The following PKIB variants were observed in gnomAD, a reference collection of about 807,000 sequenced individuals.
PKIB encodes cAMP-dependent protein kinase inhibitor beta, also known as PKI-beta.
In PKIB, 2 loss-of-function variants were observed where a neutral mutation model predicts 4.5. The observed-to-expected ratio is 0.44, with a 90% CI of 0.18 to 1.39. The LOEUF (loss-of-function observed/expected upper bound fraction) is 1.39. Among genes scored for constraint, PKIB ranks in the 40% most tolerant of loss-of-function variants. PKIB has a pLI of 0.27. For missense variants in PKIB, 94 were observed against 92.6 expected (o/e 1.02, Z -0.06); for synonymous variants, 38 against 36.0 (o/e 1.06, Z -0.20).
rs112813760 is a variant in PKIB, at chr6:122,654,577, G to C, written c.-75-20501G>C. Among the ~76,000 whole-genome samples, 599 of 152,238 alleles carry C rather than the reference G, an allele frequency of 3.9e-3. 2 individuals carry two copies. The highest frequency in any genetic ancestry group is 0.013 in the African/African-American group (547 of 41,536). ...GCTATGTACAGGGTTCTTAACCAAG[G>C]CTAAGTAGGACCATAAATATCGGTC... On this transcript the variant is annotated intron_variant, in intron 2 of 4. Coordinates refer to ENST00000368452, the MANE Select transcript of PKIB (RefSeq NM_181795.3).
intron 2 of PKIB, among the ~76,000 whole-genome samples, chr6:122,512,096 G>A (rs959430987): frequency 2.0e-5 from 3 of 152,124 alleles, no homozygotes; most frequent in East Asian, 1.9e-4. Flanking sequence ...TCCCAACAAT[G>A]TCCTAACCTA....
intron 2 of PKIB, among the ~76,000 whole-genome samples, chr6:122,496,038 C>A (rs760158601): frequency 6.6e-6 from 1 of 152,158 alleles, no homozygotes; most frequent in Non-Finnish European, 1.5e-5. Flanking sequence ...TGTCCCCCAA[C>A]CCCCATGAAA....
chr6:122,693,276 T>C (rs906975273), intron 3 of PKIB, among the ~76,000 whole-genome samples: 4 of 152,232 alleles, frequency 2.6e-5, no homozygotes, highest in Non-Finnish European at 5.9e-5. Flanking sequence ...AACTGTTGAC[T>C]TTCAATGTTT....
intron 3 of PKIB, chr6:122,717,546 G>T: frequency 2.1e-6 from 1 of 467,648 alleles, no homozygotes; most frequent in Non-Finnish European, 3.8e-6. Flanking sequence ...CATCCAAGTG[G>T]CTCATTCGGC....
intron 1 of PKIB, among the ~76,000 whole-genome samples, chr6:122,617,067 C>T (rs1479281238): frequency 6.6e-6 from 1 of 152,090 alleles, no homozygotes; most frequent in Non-Finnish European, 1.5e-5. Context: ...TATATTGGAC[C>T]TTCTTAGCCA....
chr6:122,718,289 A>C (rs900310262), intron 4 of PKIB, among the ~76,000 whole-genome samples: 1 of 152,330 alleles, frequency 6.6e-6, no homozygotes, highest in South Asian at 2.1e-4. Flanking sequence ...TTTATTAAGA[A>C]GTATTCATAA....
intron 2 of PKIB, among the ~76,000 whole-genome samples, chr6:122,636,441 A>C (rs926741519): frequency 6.6e-6 from 1 of 152,110 alleles, no homozygotes; most frequent in Non-Finnish European, 1.5e-5. Context: ...AAATCTCATC[A>C]TAACAATTAA....
intron 2 of PKIB, among the ~76,000 whole-genome samples, chr6:122,490,927 C>T (rs969589693): frequency 1.3e-5 from 2 of 152,118 alleles, no homozygotes; most frequent in South Asian, 2.1e-4. Context: ...GCTAAGATCA[C>T]CCATCAGTGA....
chr6:122,488,745 C>T (rs929444629), intron 2 of PKIB, among the ~76,000 whole-genome samples: 5 of 152,168 alleles, frequency 3.3e-5, no homozygotes, highest in Admixed American at 1.3e-4. Flanking sequence ...TGGAGCACTA[C>T]GTCTGCTCAC....
At chr6:122,583,669 G>C (rs531727047) in intron 2 of PKIB, among the ~76,000 whole-genome samples, 1 of 151,966 alleles carries the variant, frequency 6.6e-6, no homozygotes, top group South Asian at 2.1e-4. Context: ...TATCTTCTTG[G>C]CACAAATATC....
In PKIB at chr6:122,661,423, A is replaced by G. The variant is rs574213538; in HGVS notation, c.-75-13655A>G. Among the ~76,000 whole-genome samples, 59 of 152,262 alleles carry G rather than the reference A, an allele frequency of 3.9e-4. No individual in the cohort carries two copies. The South Asian group carries it at 9.4e-3, about 24-fold the overall frequency. Reference sequence around the variant, plus strand: ...AATTTTTCTTGTTTTGTAAATTTGCATATTTTGGACATTTTATATAAATTG... The same window carrying G: ...AATTTTTCTTGTTTTGTAAATTTGCGTATTTTGGACATTTTATATAAATTG... On this transcript the variant is annotated intron_variant, in intron 2 of 4. Transcript: ENST00000368452.
chr6:122,660,908 CACTT>C (rs1343499196), intron 2 of PKIB, among the ~76,000 whole-genome samples: 17 of 152,020 alleles, frequency 1.1e-4, no homozygotes, highest in Non-Finnish European at 1.9e-4. Context: ...ATGTATAAGA[CACTT>C]ACATTTATAG....
chr6:122,556,545 A>G (rs1772847430), intron 2 of PKIB, among the ~76,000 whole-genome samples: 1 of 152,190 alleles, frequency 6.6e-6, no homozygotes, highest in African/African-American at 2.4e-5. Context: ...AAGGCTCTGT[A>G]TAAGGTCCAT....
intron 2 of PKIB, among the ~76,000 whole-genome samples, chr6:122,541,941 T>C (rs890155849): frequency 4.6e-5 from 7 of 152,024 alleles, no homozygotes; most frequent in Admixed American, 6.6e-5. Context: ...TTTCGTCTTC[T>C]ATCACTGAGA....
chr6:122,575,292 T>C (rs373273918), intron 2 of PKIB, among the ~76,000 whole-genome samples: 11 of 152,264 alleles, frequency 7.2e-5, no homozygotes, highest in African/African-American at 2.4e-4. Context: ...AACACTTTTA[T>C]ATTGCTGGTG....
intron 2 of PKIB, among the ~76,000 whole-genome samples, chr6:122,548,804 T>G (rs902448970): frequency 6.6e-6 from 1 of 152,200 alleles, no homozygotes; most frequent in South Asian, 2.1e-4. Context: ...TTGATTGTGT[T>G]TTTATTCCAT....
At chr6:122,554,056 T>C (rs556521563) in intron 2 of PKIB, among the ~76,000 whole-genome samples, 1 of 152,328 alleles carries the variant, frequency 6.6e-6, no homozygotes, top group African/African-American at 2.4e-5. Flanking sequence ...GAATTTATAG[T>C]TCGCAAAAGC....
chr6:122,663,420 C>T (rs1399403147), intron 2 of PKIB, among the ~76,000 whole-genome samples: 1 of 152,254 alleles, frequency 6.6e-6, no homozygotes, highest in African/African-American at 2.4e-5. Context: ...ATCATCCCTA[C>T]GTGGATGTCC....
intron 2 of PKIB, among the ~76,000 whole-genome samples, chr6:122,549,734 C>T (rs540065969): frequency 6.6e-6 from 1 of 151,498 alleles, no homozygotes; most frequent in African/African-American, 2.4e-5. Context: ...TTTCCTCTCA[C>T]TTTTCCAGTT....
Sources: gnomAD v4.1 joint callset for allele counts (sites outside exome capture counted in the v4.1 genomes callset) on GRCh38, gnomAD v4.1.1 for gene constraint, MANE v1.5 for transcripts, NCBI Gene and HGNC (gene_info 2026-07-23, HGNC 2026-07-21) for gene names.